The following CBFA2T3 variants were observed in gnomAD, a reference collection of about 807,000 sequenced individuals.
CBFA2T3 encodes CBFA2/RUNX1 partner transcriptional co-repressor 3.
In CBFA2T3, 31 loss-of-function variants were observed where a neutral mutation model predicts 58.6. The observed-to-expected ratio is 0.53, with a 90% CI of 0.40 to 0.71. The LOEUF (loss-of-function observed/expected upper bound fraction) is 0.71, where lower values mean the gene tolerates loss of function less well. Among genes scored for constraint, CBFA2T3 ranks in the 30% least tolerant of loss-of-function variants. CBFA2T3 has a pLI of 0.00. For missense variants in CBFA2T3, 1,076 were observed against 963.1 expected, an observed-to-expected ratio of 1.12 and a Z score of -1.55; for synonymous variants, 531 against 421.9, an observed-to-expected ratio of 1.26 and a Z score of -3.17.
At position 88,881,327 on chromosome 16, in the gene CBFA2T3, G is replaced by T; in HGVS notation, c.1366C>A (p.Arg456Ser). ...KGPAPAAARP[R>S]SSSAGPEGPQ... is the part of the protein sequence containing the mutation. ...CCTTCGGGACCGGCGGAGCTGCTGCGGGGCCGGGCCGCGGCGGGAGCGGGG... is the reference window on the plus strand; with the variant it reads ...CCTTCGGGACCGGCGGAGCTGCTGCTGGGCCGGGCCGCGGCGGGAGCGGGG... Residue 456 changes from arginine to serine, a missense_variant, in exon 9 of 12, where the codon CGC (arginine) becomes AGC (serine). Coordinates refer to ENST00000268679, the MANE Select transcript of CBFA2T3 (RefSeq NM_005187.6). 1.3e-6 allele frequency: 2 copies of T among 1,587,146 alleles called. No individual in the cohort carries two copies. Among genetic ancestry groups the T allele is most frequent in the Non-Finnish European group, 1.7e-6 (2 of 1,167,766 alleles).
chr16:88,925,560 G>A (rs4039575), intron 1 of CBFA2T3, among the ~76,000 whole-genome samples: 1 of 116,112 alleles, frequency 8.6e-6, no homozygotes, highest in Non-Finnish European at 1.6e-5. Context: ...AGGCGGGACA[G>A]GCAGTCACTT....
At chr16:88,923,923 A>G (rs1355031714) in intron 1 of CBFA2T3, among the ~76,000 whole-genome samples, 1 of 152,214 alleles carries the variant, frequency 6.6e-6, no homozygotes, top group African/African-American at 2.4e-5. Context: ...ACTTTGGAGC[A>G]TAGATCACCA....
chr16:88,909,204 G>C (rs1324579074), intron 1 of CBFA2T3, among the ~76,000 whole-genome samples: 1 of 152,222 alleles, frequency 6.6e-6, no homozygotes, highest in East Asian at 1.9e-4. Flanking sequence ...CCTTTTCTGG[G>C]GCTGTGGTGC....
intron 1 of CBFA2T3, among the ~76,000 whole-genome samples, chr16:88,924,375 G>A (rs984133400): frequency 2.0e-5 from 3 of 152,236 alleles, no homozygotes; most frequent in Admixed American, 6.5e-5. Flanking sequence ...CCGACCACAA[G>A]GAGGCTAGAC....
At chr16:88,891,810 C>T (rs1486608156) in intron 5 of CBFA2T3, 72 bp downstream of exon 5, 8 of 1,072,638 alleles carry the variant, frequency 7.5e-6, no homozygotes, top group Non-Finnish European at 1.1e-5. Context: ...CCGCTGTCCA[C>T]GCTGGCAAGG....
chr16:88,882,553 G>T, intron 8 of CBFA2T3, 123 bp downstream of exon 8: 2 of 661,862 alleles, frequency 3.0e-6, no homozygotes, highest in Non-Finnish European at 5.3e-6. Context: ...CATGGGTGTG[G>T]CTGTGTGTGG....
At chr16:88,920,240 TGAAAG>T (rs576662701) in intron 1 of CBFA2T3, among the ~76,000 whole-genome samples, 16 of 152,332 alleles carry the variant, frequency 1.1e-4, no homozygotes, top group Non-Finnish European at 1.6e-4. Flanking sequence ...GCCAAGTACT[TGAAAG>T]GAAGCCCTAT....
intron 1 of CBFA2T3, among the ~76,000 whole-genome samples, chr16:88,949,776 C>T (rs1597781043): frequency 6.6e-6 from 1 of 151,946 alleles, no homozygotes; most frequent in Admixed American, 6.6e-5. Context: ...TTTGGGAGGC[C>T]GAGGCAGGCA....
At chr16:88,894,630 C>A (rs995481383) in intron 3 of CBFA2T3, among the ~76,000 whole-genome samples, 8 of 152,200 alleles carry the variant, frequency 5.3e-5, no homozygotes, top group African/African-American at 1.9e-4. Context: ...CACACATGCA[C>A]GGCTATGATG....
intron 1 of CBFA2T3, among the ~76,000 whole-genome samples, chr16:88,945,937 T>C (rs1971890571): frequency 1.3e-5 from 2 of 152,218 alleles, no homozygotes; most frequent in African/African-American, 4.8e-5. Flanking sequence ...AACAGGTGAA[T>C]ACATAAAATA....
At chr16:88,878,005 A>G (rs1272846838) in intron 11 of CBFA2T3, among the ~76,000 whole-genome samples, 2 of 152,160 alleles carry the variant, frequency 1.3e-5, no homozygotes, top group African/African-American at 4.8e-5. Context: ...CCTCACTGCC[A>G]CTGCAGCAGC....
At chr16:88,883,138 A>T in intron 7 of CBFA2T3, 1 of 322,952 alleles carries the variant, frequency 3.1e-6, no homozygotes, top group Non-Finnish European at 6.0e-6. Flanking sequence ...CAGTGTCCTC[A>T]GCCACTGGCC....
In CBFA2T3 at chr16:88,881,375, C is replaced by T. The variant is rs759685635; in HGVS notation, c.1318G>A (p.Asp440Asn). Residue 440 changes from aspartate (D) to asparagine (N), a missense_variant, in exon 9 of 12, where the codon GAC becomes AAC. By Grantham distance (23) the Asp-to-Asn change is conservative. Coordinates refer to ENST00000268679, the MANE Select transcript of CBFA2T3 (RefSeq NM_005187.6). ...ELNHWARRYSDAEDTKKGPAP... is the reference protein window; with the variant it reads ...ELNHWARRYSNAEDTKKGPAP... ...GGGCCCTTCTTTGTGTCCTCGGCGT[C>T]GCTGTAGCGCCGCGCCCAGTGGTTG... is the stretch of plus-strand genomic sequence containing the variant. 15 of 1,592,152 alleles carry T rather than the reference C, an allele frequency of 9.4e-6. No homozygotes were observed. Among genetic ancestry groups the T allele is most frequent in the South Asian group, 9.0e-5 (8 of 89,162 alleles).
At chr16:88,911,675 G>A (rs761801663) in intron 1 of CBFA2T3, among the ~76,000 whole-genome samples, 5 of 152,382 alleles carry the variant, frequency 3.3e-5, no homozygotes, top group Admixed American at 6.5e-5. Flanking sequence ...CACGAAAAGC[G>A]TCTAGAACAG....
At chr16:88,949,278 G>C (rs905093962) in intron 1 of CBFA2T3, among the ~76,000 whole-genome samples, 3 of 152,230 alleles carry the variant, frequency 2.0e-5, no homozygotes, top group African/African-American at 7.2e-5. Context: ...GGGTTGGGAG[G>C]CCGGGCGCGG....
intron 1 of CBFA2T3, among the ~76,000 whole-genome samples, chr16:88,905,314 G>C (rs1297747606): frequency 6.6e-6 from 1 of 152,100 alleles, no homozygotes; most frequent in Non-Finnish European, 1.5e-5. Context: ...CCCAGTGCGG[G>C]GCTCAGGGCC....
intron 3 of CBFA2T3, among the ~76,000 whole-genome samples, chr16:88,897,778 C>A (rs982627119): frequency 1.3e-5 from 2 of 152,244 alleles, no homozygotes; most frequent in African/African-American, 4.8e-5. Context: ...CCTCGGCACT[C>A]GCAGTCAGCC....
chr16:88,906,410 A>G (rs748247793), intron 1 of CBFA2T3, among the ~76,000 whole-genome samples: 6 of 152,036 alleles, frequency 3.9e-5, no homozygotes, highest in Non-Finnish European at 8.8e-5. Flanking sequence ...CCTCGTCCCC[A>G]AGACCACTTG....
chr16:88,914,514 G>C (rs1352683080), intron 1 of CBFA2T3, among the ~76,000 whole-genome samples: 1 of 152,238 alleles, frequency 6.6e-6, no homozygotes, highest in East Asian at 1.9e-4. Context: ...CGCACAGAAA[G>C]ACGACTAGAC....
Sources: allele counts gnomAD v4.1 joint callset (sites outside exome capture counted in the v4.1 genomes callset), GRCh38; gene constraint gnomAD v4.1.1; transcripts MANE v1.5; gene names NCBI Gene and HGNC (gene_info 2026-07-23, HGNC 2026-07-21).